XKR6: variants seen among roughly 807,000 people sequenced by gnomAD.
XKR6 encodes the protein XK-related protein 6.
A neutral mutation model predicts 56.7 loss-of-function variants in XKR6; 22 were observed. That is an observed-to-expected ratio of 0.39 (90% CI 0.28 to 0.55). XKR6 has a LOEUF of 0.55. XKR6 is among the 20% of genes least tolerant of loss of function. The pLI, the probability that XKR6 is intolerant of heterozygous loss-of-function variation, is 0.66. For missense variants in XKR6, 852 were observed against 889.0 expected (o/e 0.96, Z 0.53); for synonymous variants, 524 against 387.8 (o/e 1.35, Z -4.13).
intron 1 of XKR6, among the ~76,000 whole-genome samples, chr8:11,045,778 G>C (rs75777827): frequency 0.021 from 3,270 of 152,296 alleles, 132 homozygotes; most frequent in African/African-American, 0.074. Flanking sequence ...CACAGAGGCA[G>C]TGCACTGGTG....
chr8:11,131,886 C>T (rs1181318714), intron 1 of XKR6, among the ~76,000 whole-genome samples: 2 of 152,186 alleles, frequency 1.3e-5, no homozygotes, highest in Non-Finnish European at 2.9e-5. Flanking sequence ...GTGCAGTAGA[C>T]TATACCATCT....
chr8:10,977,105 T>A (rs536045110), intron 1 of XKR6, among the ~76,000 whole-genome samples: 1 of 152,292 alleles, frequency 6.6e-6, no homozygotes, highest in South Asian at 2.1e-4. Flanking sequence ...TTTCTGACTC[T>A]GCATCCCCAA....
At chr8:11,131,390 T>C (rs1001363522) in intron 1 of XKR6, among the ~76,000 whole-genome samples, 3 of 152,140 alleles carry the variant, frequency 2.0e-5, no homozygotes, top group Admixed American at 2.0e-4. Context: ...GTAATTAACA[T>C]AGAAGGCATG....
At chr8:10,996,110 C>T (rs1433489037) in intron 1 of XKR6, among the ~76,000 whole-genome samples, 3 of 152,208 alleles carry the variant, frequency 2.0e-5, no homozygotes, top group South Asian at 2.1e-4. Context: ...GACAGCAATG[C>T]TTATAAAATG....
chr8:10,933,206 T>C (rs964979559), intron 1 of XKR6, among the ~76,000 whole-genome samples: 1 of 113,672 alleles, frequency 8.8e-6, no homozygotes, highest in African/African-American at 4.1e-5. Context: ...TTTTGAGAAG[T>C]GTCTGTTCAT....
At chr8:11,176,461 C>G (rs1468956801) in intron 1 of XKR6, among the ~76,000 whole-genome samples, 1 of 152,120 alleles carries the variant, frequency 6.6e-6, no homozygotes, top group African/African-American at 2.4e-5. Context: ...AAAATGGTTT[C>G]AAATATACTG....
At chr8:11,150,281 C>G (rs777819063) in intron 1 of XKR6, among the ~76,000 whole-genome samples, 3 of 151,982 alleles carry the variant, frequency 2.0e-5, no homozygotes, top group Admixed American at 6.6e-5. Context: ...TCATGGATAC[C>G]CCAAATAACC....
At chr8:10,978,543 G>T (rs970481145) in intron 1 of XKR6, among the ~76,000 whole-genome samples, 1 of 152,116 alleles carries the variant, frequency 6.6e-6, no homozygotes, top group Non-Finnish European at 1.5e-5. Context: ...TTTTTATTAG[G>T]GTCTCGTGCA....
chr8:11,195,327 ATT>A (rs1029063919), intron 1 of XKR6: 2 of 580,666 alleles, frequency 3.4e-6, no homozygotes, highest in African/African-American at 3.8e-5. Flanking sequence ...GTAGAGATTC[ATT>A]TTTTTTTCCA....
At chr8:10,932,504 C>G (rs905584073) in intron 1 of XKR6, among the ~76,000 whole-genome samples, 4 of 146,042 alleles carry the variant, frequency 2.7e-5, no homozygotes, top group African/African-American at 1.0e-4. Flanking sequence ...ATACATGTGC[C>G]ATGCCGGTGC....
chr8:10,961,714 G>A (rs1802066838), intron 1 of XKR6, among the ~76,000 whole-genome samples: 1 of 152,240 alleles, frequency 6.6e-6, no homozygotes, highest in Non-Finnish European at 1.5e-5. Flanking sequence ...GGAAAAATGA[G>A]ATTCTGAACT....
chr8:11,003,952 A>T (rs1002143952), intron 1 of XKR6, among the ~76,000 whole-genome samples: 1 of 152,104 alleles, frequency 6.6e-6, no homozygotes, highest in Non-Finnish European at 1.5e-5. Flanking sequence ...CAAGGAGAGG[A>T]GACAGCAGGT....
At chr8:10,921,123 C>T (rs1800696018) in intron 2 of XKR6, among the ~76,000 whole-genome samples, 1 of 152,248 alleles carries the variant, frequency 6.6e-6, no homozygotes, top group Non-Finnish European at 1.5e-5. Flanking sequence ...CCAGTGGGCT[C>T]CCACATGAGA....
At chr8:11,016,405 G>C (rs543572854) in intron 1 of XKR6, among the ~76,000 whole-genome samples, 4 of 152,322 alleles carry the variant, frequency 2.6e-5, no homozygotes, top group African/African-American at 9.6e-5. Flanking sequence ...CGGGGTCCTA[G>C]TGCCACCGGA....
chr8:11,030,106 G>A (rs1271839975), intron 1 of XKR6, among the ~76,000 whole-genome samples: 3 of 152,114 alleles, frequency 2.0e-5, no homozygotes, highest in African/African-American at 7.2e-5. Flanking sequence ...ACCCCTAGCT[G>A]CAGCTGTCCC....
intron 1 of XKR6, among the ~76,000 whole-genome samples, chr8:10,959,424 G>A (rs976388116): frequency 1.3e-5 from 2 of 152,142 alleles, no homozygotes; most frequent in African/African-American, 2.4e-5. Flanking sequence ...AAATACCCCT[G>A]GGTGGCTTAA....
intron 1 of XKR6, chr8:11,106,812 T>C (rs1798692079): frequency 7.5e-6 from 1 of 134,120 alleles, no homozygotes; most frequent in African/African-American, 3.1e-5. Context: ...ATCATGCCAC[T>C]TGTACTCCAG....
chr8:11,039,863 G>A (rs1799241687), intron 1 of XKR6, among the ~76,000 whole-genome samples: 1 of 152,240 alleles, frequency 6.6e-6, no homozygotes, highest in African/African-American at 2.4e-5. Flanking sequence ...GCCGGGGACA[G>A]CTGCTCTCCA....
chr8:11,052,860 G>A (rs919750021), intron 1 of XKR6, among the ~76,000 whole-genome samples: 1 of 152,130 alleles, frequency 6.6e-6, no homozygotes, highest in African/African-American at 2.4e-5. Context: ...CCCCTAGCAG[G>A]GGCTAAACTC....
Sources: gnomAD v4.1 joint callset for allele counts (sites outside exome capture counted in the v4.1 genomes callset) on GRCh38, gnomAD v4.1.1 for gene constraint, MANE v1.5 for transcripts, NCBI Gene and HGNC (gene_info 2026-07-23, HGNC 2026-07-21) for gene names.